Variants in EIPR1 observed in about 807,000 individuals in gnomAD.
EIPR1 encodes the protein EARP and GARP complex-interacting protein 1.
A neutral mutation model predicts 48.1 loss-of-function variants in EIPR1; 25 were observed. That is an observed-to-expected ratio of 0.52 (90% CI 0.38 to 0.73). The LOEUF is 0.73. Among genes scored for constraint, EIPR1 ranks in the 30% least tolerant of loss-of-function variants. EIPR1 has a pLI of 0.00. For synonymous variants in EIPR1, 204 were observed against 201.9 expected (o/e 1.01, Z -0.09); for missense variants, 415 against 506.2 (o/e 0.82, Z 1.73).
At position 3,301,796 on chromosome 2, in the gene EIPR1, G is replaced by A. The variant is rs138383958; in HGVS notation, c.259+36221C>T. Among the ~76,000 whole-genome samples, 347 of 152,286 alleles carry A rather than the reference G, an allele frequency of 2.3e-3. 4 individuals are homozygous for A. Among genetic ancestry groups the A allele is most frequent in the Non-Finnish European group, 3.0e-3 (205 of 68,010 alleles). On this transcript the variant is annotated intron_variant, in intron 3 of 8. Transcript: ENST00000382125. Reference sequence around the variant, plus strand: ...ATGGTTAGTCATCTTTGATACCTGTGGATACTCAAACCCACCATTTAAAAT... The same window carrying A: ...ATGGTTAGTCATCTTTGATACCTGTAGATACTCAAACCCACCATTTAAAAT...
Position 3,269,567 on chromosome 2 carries a change from G to A in EIPR1, c.260-12112C>T, listed in dbSNP as rs867247038. On this transcript the variant is annotated intron_variant, in intron 3 of 8. Coordinates refer to ENST00000382125, the MANE Select transcript of EIPR1 (RefSeq NM_003310.5). ...CACTCAGTCATCGCACTCAGTCATCGCACTCAGTCATCGCACTCAATCATC... is the reference window on the plus strand; with the variant it reads ...CACTCAGTCATCGCACTCAGTCATCACACTCAGTCATCGCACTCAATCATC... Among the ~76,000 whole-genome samples, 84 of 88,608 alleles carry A rather than the reference G, an allele frequency of 9.5e-4. 7 individuals are homozygous for A. Among genetic ancestry groups the A allele is most frequent in the African/African-American group, 4.1e-3 (72 of 17,522 alleles). 58.1% of individuals were successfully genotyped at this position (88,608 alleles called of 152,430 possible). A position where few individuals can be genotyped will look rare whatever the true frequency, so the allele number is the denominator to read the frequency against.
chr2:3,223,571 G>C (rs1665966604), intron 4 of EIPR1, among the ~76,000 whole-genome samples: 1 of 152,208 alleles, frequency 6.6e-6, no homozygotes, highest in East Asian at 1.9e-4. Flanking sequence ...TCAAGTACAA[G>C]TCAGTGAAGA....
intron 3 of EIPR1, among the ~76,000 whole-genome samples, chr2:3,294,939 C>CCT (rs1375255508): frequency 1.4e-5 from 1 of 71,038 alleles, no homozygotes; most frequent in Non-Finnish European, 2.9e-5. Context: ...TCCAGCCCAT[C>CCT]CTCTCTACAC....
At chr2:3,353,078 A>G (rs4854122) in intron 2 of EIPR1, 191,214 of 373,980 alleles carry the variant, frequency 0.51, 51,837 homozygotes, top group Admixed American at 0.61. Flanking sequence ...TATAACTTTC[A>G]TAACTAATAA....
At chr2:3,327,926 C>G (rs984662410) in intron 3 of EIPR1, among the ~76,000 whole-genome samples, 4 of 151,998 alleles carry the variant, frequency 2.6e-5, no homozygotes, top group African/African-American at 9.7e-5. Flanking sequence ...GTGGCACAAT[C>G]ACGGGTCACT....
intron 5 of EIPR1, among the ~76,000 whole-genome samples, chr2:3,204,699 T>C (rs903391617): frequency 1.3e-5 from 2 of 152,170 alleles, no homozygotes; most frequent in Non-Finnish European, 2.9e-5. Flanking sequence ...ATGTGGAGCA[T>C]ATCTAAGAAG....
chr2:3,242,444 C>G (rs1236183935), intron 4 of EIPR1, among the ~76,000 whole-genome samples: 4 of 149,252 alleles, frequency 2.7e-5, no homozygotes, highest in Non-Finnish European at 4.5e-5. Context: ...GGCTGGAAGA[C>G]AGAGATTTCA....
In EIPR1 at chr2:3,341,095, CAAAAAA is replaced by C. The variant is rs55667121; in HGVS notation, c.127-2952_127-2947del. On this transcript the variant is annotated intron_variant, in intron 2 of 8. Transcript: ENST00000382125. ...TGGGTGACAGAGTGAGATCCTGTCTCAAAAAAAAAAAAAAAAAAAAAAAAACAAAAC... is the reference window on the plus strand; with the variant it reads ...TGGGTGACAGAGTGAGATCCTGTCTCAAAAAAAAAAAAAAAAAAACAAAAC... Among the ~76,000 whole-genome samples the C allele has an allele frequency of 0.03, 662 of 22,178 alleles. 40 individuals carry two copies. The East Asian group carries it at 0.44, about 15-fold the overall frequency. 14.5% of individuals were successfully genotyped at this position (22,178 alleles called of 152,430 possible). A position where few individuals can be genotyped will look rare whatever the true frequency, so the allele number is the denominator to read the frequency against.
At chr2:3,242,513 C>A (rs1666667912) in intron 4 of EIPR1, among the ~76,000 whole-genome samples, 1 of 131,170 alleles carries the variant, frequency 7.6e-6, no homozygotes, top group Non-Finnish European at 1.6e-5. Flanking sequence ...CCTCCGACTC[C>A]ACACCCACTG....
chr2:3,240,367 T>C (rs1453905726), intron 4 of EIPR1, among the ~76,000 whole-genome samples: 2 of 147,552 alleles, frequency 1.4e-5, no homozygotes, highest in Admixed American at 6.7e-5. Flanking sequence ...AGACCCTTCC[T>C]AAAGCAAAGC....
intron 4 of EIPR1, among the ~76,000 whole-genome samples, chr2:3,244,240 T>G (rs1270748566): frequency 6.6e-6 from 1 of 152,230 alleles, no homozygotes; most frequent in East Asian, 1.9e-4. Context: ...GTCTAAAACC[T>G]GAACAGCAGT....
At chr2:3,265,420 A>G (rs987605762) in intron 3 of EIPR1, among the ~76,000 whole-genome samples, 3 of 152,254 alleles carry the variant, frequency 2.0e-5, no homozygotes, top group African/African-American at 7.2e-5. Context: ...GGATTTCTGT[A>G]GCTGTGTGGA....
chr2:3,247,729 T>C (rs1417468263), intron 4 of EIPR1, among the ~76,000 whole-genome samples: 4 of 152,336 alleles, frequency 2.6e-5, no homozygotes, highest in East Asian at 1.9e-4. Context: ...AGTTTAATCA[T>C]TGACTCAGGG....
chr2:3,270,976 A>G (rs1190165831), intron 3 of EIPR1, among the ~76,000 whole-genome samples: 1 of 152,354 alleles, frequency 6.6e-6, no homozygotes, highest in African/African-American at 2.4e-5. Context: ...TGCTTTATCA[A>G]CTGGGCTTAT....
intron 4 of EIPR1, among the ~76,000 whole-genome samples, chr2:3,251,634 G>A (rs1020214976): frequency 5.3e-5 from 8 of 152,148 alleles, no homozygotes; most frequent in Admixed American, 2.0e-4. Flanking sequence ...TATAGCTGAC[G>A]AAGAAGCAAA....
chr2:3,272,354 G>A (rs904142410), intron 3 of EIPR1, among the ~76,000 whole-genome samples: 23 of 152,164 alleles, frequency 1.5e-4, no homozygotes, highest in East Asian at 1.2e-3. Context: ...TGCAAGGCCC[G>A]GCTCTTGGTC....
At chr2:3,227,528 T>G (rs947298030) in intron 4 of EIPR1, among the ~76,000 whole-genome samples, 4 of 152,144 alleles carry the variant, frequency 2.6e-5, no homozygotes, top group Non-Finnish European at 4.4e-5. Flanking sequence ...GACTATGTAA[T>G]AGAAAAGAAA....
At chr2:3,369,301 G>A (rs1671050129) in intron 1 of EIPR1, among the ~76,000 whole-genome samples, 1 of 152,252 alleles carries the variant, frequency 6.6e-6, no homozygotes, top group Non-Finnish European at 1.5e-5. Context: ...CTCCCAGCGT[G>A]AGCAACGCAG....
intron 3 of EIPR1, among the ~76,000 whole-genome samples, chr2:3,322,058 A>AG (rs768018054): frequency 5.9e-5 from 9 of 152,198 alleles, no homozygotes; most frequent in Admixed American, 1.3e-4. Flanking sequence ...AGATGTCCAA[A>AG]GACCTGGGCC....
Sources: allele counts gnomAD v4.1 joint callset (sites outside exome capture counted in the v4.1 genomes callset), GRCh38; gene constraint gnomAD v4.1.1; transcripts MANE v1.5; gene names NCBI Gene and HGNC (gene_info 2026-07-23, HGNC 2026-07-21).